Variants in NUP85 observed in about 807,000 individuals in gnomAD.
The protein encoded by NUP85 is nucleoporin 85, also known as nuclear pore complex protein Nup85.
In NUP85, 23 loss-of-function variants were observed where a neutral mutation model predicts 92.8. That is an observed-to-expected ratio of 0.25 (90% CI 0.18 to 0.35). NUP85 has a LOEUF of 0.35. Ranked by LOEUF, NUP85 falls within the 10% of genes least tolerant of loss-of-function variation. The pLI, the probability that NUP85 is intolerant of heterozygous loss-of-function variation, is 1.00. For synonymous variants in NUP85, 314 were observed against 306.9 expected (o/e 1.02, Z -0.24); for missense variants, 759 against 822.8 (o/e 0.92, Z 0.95).
rs2075292636 is a variant in NUP85, at chr17:75,212,241, GTTGTTGTTTTTTTTTTTTTT to G, written c.361+182_361+201del. Among the ~76,000 whole-genome samples the G allele has an allele frequency of 2.5e-3, 7 of 2,754 alleles. 1 individual carries two copies. The highest frequency in any genetic ancestry group is 0.014 in the South Asian group (1 of 74). 1.8% of individuals were successfully genotyped at this position (2,754 alleles called of 152,430 possible). ...TAATCATTTAGAGGTTTTTTTTTTT[GTTGTTGTTTTTTTTTTTTTT>G]TTTTTTTTTTTTTTTTTTTTTTTTT... On this transcript the variant is annotated intron_variant, in intron 4 of 18. Coordinates refer to ENST00000245544, the MANE Select transcript of NUP85 (RefSeq NM_024844.5).
In NUP85 at chr17:75,232,843, C is replaced by T; in HGVS notation, c.1397-8C>T. 6.2e-7 allele frequency: 1 copy of T among 1,613,140 alleles called. No homozygotes were observed. The highest frequency in any genetic ancestry group is 8.5e-7 in the Non-Finnish European group (1 of 1,179,142). Reference sequence around the variant, plus strand: ...AAAGCCGTTTACCTTTTCTTTTCCCCTGCAAAGTTCGCAGCATTTGTAAGA... The same window carrying T: ...AAAGCCGTTTACCTTTTCTTTTCCCTTGCAAAGTTCGCAGCATTTGTAAGA... On this transcript the variant is annotated splice_polypyrimidine_tract_variant and splice_region_variant and intron_variant, in intron 14 of 18. Coordinates refer to ENST00000245544, the MANE Select transcript of NUP85 (RefSeq NM_024844.5).
At chr17:75,226,732 G>C (rs1054217522) in intron 11 of NUP85, 1 of 449,816 alleles carries the variant, frequency 2.2e-6, no homozygotes, top group African/African-American at 2.0e-5. Context: ...ATACATAACT[G>C]TTTCCATTTC....
Position 75,231,885 on chromosome 17 carries a change from C to T in NUP85, c.1302C>T (p.Ser434=). 1 of 1,614,198 alleles carries T rather than the reference C, an allele frequency of 6.2e-7. No individual in the cohort carries two copies. The change falls in exon 14 of 19, where the codon TCC becomes TCT. Residue 434 remains serine, a synonymous_variant. Coordinates refer to ENST00000245544, the MANE Select transcript of NUP85 (RefSeq NM_024844.5). This position sits in a 1 kb window ranked among gnomAD's most constrained non-coding sequence, Gnocchi z 4.6. ...ACTGCCCCGAGCTGGGCCGAGTCTC[C>T]CTGGAGCTGCACATTGAGCGGATAC... ...FDYCPELGRV[S]LELHIERIPL... is the part of the protein sequence containing the mutation.
intron 3 of NUP85, among the ~76,000 whole-genome samples, chr17:75,211,525 C>G (rs2075260498): frequency 6.7e-6 from 1 of 148,172 alleles, no homozygotes. Flanking sequence ...CTGCCGGGTT[C>G]AAGAGATTCT....
chr17:75,219,290 G>A (rs540450916), intron 7 of NUP85, among the ~76,000 whole-genome samples: 6 of 152,280 alleles, frequency 3.9e-5, no homozygotes, highest in African/African-American at 7.2e-5. Flanking sequence ...TGTTGTTGTC[G>A]TTTAGAGACA....
rs548500320 is a variant in NUP85 at position 75,223,605 on chromosome 17, C to T, written c.598-1498C>T. ...GTTTCACCATGTTGACCAGGCTGGTCTTGAACTCCTGACCTCAGGTGATCC... is the reference window on the plus strand; with the variant it reads ...GTTTCACCATGTTGACCAGGCTGGTTTTGAACTCCTGACCTCAGGTGATCC... On this transcript the variant is annotated intron_variant, in intron 7 of 18. Coordinates refer to ENST00000245544, the MANE Select transcript of NUP85 (RefSeq NM_024844.5). Among the ~76,000 whole-genome samples, 3 of 152,186 alleles carry T rather than the reference C, an allele frequency of 2.0e-5. No individual in the cohort carries two copies. In the South Asian group the frequency reaches 6.2e-4, roughly 32 times the overall value.
Position 75,209,958 on chromosome 17 carries a change from A to G in NUP85, c.263A>G (p.Glu88Gly), listed in dbSNP as rs2075207392. Reference protein sequence around the residue: ...IFLGLQRIDEELTGKSRKSQL... With the variant: ...IFLGLQRIDEGLTGKSRKSQL... ...CTGGGCCTCCAGAGAATTGACGAAG[A>G]GTTGACTGGAAAATCCAGAAAATCT... The change falls in exon 3 of 19, where the codon GAG (glutamate) becomes GGG (glycine). Residue 88 changes from glutamate to glycine, a missense_variant. Physicochemically the swap from Glu to Gly is moderately conservative, Grantham distance 98. Transcript: ENST00000245544. 6.3e-7 allele frequency: 1 copy of G among 1,587,274 alleles called. No individual in the cohort carries two copies. Among genetic ancestry groups the G allele is most frequent in the South Asian group, 1.2e-5 (1 of 85,094 alleles).
At chr17:75,228,036 C>G (rs1327339988) in intron 11 of NUP85, 2 of 203,450 alleles carry the variant, frequency 9.8e-6, no homozygotes, top group African/African-American at 4.7e-5. Flanking sequence ...TAAAAACACA[C>G]AAACACACCA....
rs918234946 is a variant in NUP85 at position 75,231,999 on chromosome 17, A to G, written c.1396+20A>G. 12 of 1,613,520 alleles carry G rather than the reference A, an allele frequency of 7.4e-6. No homozygotes were observed. Among genetic ancestry groups the G allele is most frequent in the Non-Finnish European group, 1.0e-5 (12 of 1,179,884 alleles). On this transcript the variant is annotated intron_variant, in intron 14 of 18. Coordinates refer to ENST00000245544, the MANE Select transcript of NUP85 (RefSeq NM_024844.5). This position sits in a 1 kb window ranked among gnomAD's most constrained non-coding sequence, Gnocchi z 4.6. Reference sequence around the variant, plus strand: ...AACAAGGTGAGCTGGCCCTGCTCCCAGCCTACTGTCTGTGGGACGCAGGAG... The same window carrying G: ...AACAAGGTGAGCTGGCCCTGCTCCCGGCCTACTGTCTGTGGGACGCAGGAG...
Position 75,235,112 on chromosome 17 carries a change from G to T in NUP85, c.1780G>T (p.Ala594Ser). 1.9e-6 allele frequency: 3 copies of T among 1,613,888 alleles called. No individual in the cohort carries two copies. The highest frequency in any genetic ancestry group is 2.5e-6 in the Non-Finnish European group (3 of 1,179,828). ...LLEQKQVIFS[A>S]EQTYELMRCL... ...CTCTCTTCCCTAGGTGATTTTCTCA[G>T]CAGAACAGACTTATGAGTTGATGCG... The change falls in exon 18 of 19, where the codon GCA (alanine) becomes TCA (serine). Residue 594 changes from alanine to serine, a missense_variant. By Grantham distance (99) the Ala-to-Ser change is moderately conservative. Coordinates refer to ENST00000245544, the MANE Select transcript of NUP85 (RefSeq NM_024844.5).
chr17:75,220,807 A>G (rs1423919807), intron 7 of NUP85, among the ~76,000 whole-genome samples: 1 of 149,700 alleles, frequency 6.7e-6, no homozygotes, highest in African/African-American at 2.5e-5. Context: ...GGGTTTCATC[A>G]TGTTGGTCAG....
chr17:75,205,888 G>A (rs2075062911), intron 1 of NUP85, 94 bp downstream of exon 1: 1 of 1,426,220 alleles, frequency 7.0e-7, no homozygotes, highest in Non-Finnish European at 9.8e-7. Context: ...TAGTGGTCGC[G>A]AGGCGCTCGT....
intron 3 of NUP85, among the ~76,000 whole-genome samples, chr17:75,210,301 AAAATTAATAT>A (rs1185432247): frequency 1.3e-5 from 2 of 152,240 alleles, no homozygotes; most frequent in African/African-American, 4.8e-5. Context: ...GGGAGATTTG[AAAATTAATAT>A]AAACCTAACA....
intron 16 of NUP85, among the ~76,000 whole-genome samples, chr17:75,234,083 ACT>A (rs2076222765): frequency 7.7e-6 from 1 of 130,202 alleles, no homozygotes; most frequent in African/African-American, 2.9e-5. Context: ...ACGGAGTCTC[ACT>A]CTGTCGCCCA....
At chr17:75,212,247 GTTTTTTTTTTTTTTTTTT>G (rs1219393857) in intron 4 of NUP85, among the ~76,000 whole-genome samples, 185 bp downstream of exon 4, 1 of 3,672 alleles carries the variant, frequency 2.7e-4, no homozygotes, top group Admixed American at 4.5e-3. Flanking sequence ...TTTTGTTGTT[GTTTTTTTTTTTTTTTTTT>G]TTTTTTTTTT....
chr17:75,225,684 A>G lies in NUP85; in HGVS notation c.856-14A>G. ...GAGAGGAGGACAGAGTTCAGCACAA[A>G]TGTCTCTCCTCAGATTATGCTGGGA... On this transcript the variant is annotated splice_polypyrimidine_tract_variant and intron_variant, in intron 9 of 18. Transcript: ENST00000245544. 5 of 1,614,012 alleles carry G rather than the reference A, an allele frequency of 3.1e-6. No homozygotes were observed. The highest frequency in any genetic ancestry group is 4.2e-6 in the Non-Finnish European group (5 of 1,179,906).
rs1003340722 is a variant in NUP85 at position 75,228,855 on chromosome 17, G to A, written c.1095-2485G>A. ...AAGGCAGCCAGGGGATCCTGACTCAGAGGCTGTAGTTCGTCAGCCCTGCTA... is the reference window on the plus strand; with the variant it reads ...AAGGCAGCCAGGGGATCCTGACTCAAAGGCTGTAGTTCGTCAGCCCTGCTA... On this transcript the variant is annotated intron_variant, in intron 11 of 18. Transcript: ENST00000245544. 74 of 985,350 alleles carry A rather than the reference G, an allele frequency of 7.5e-5. No individual in the cohort carries two copies. The African/African-American group carries it at 1.2e-3, about 16-fold the overall frequency. 61.0% of individuals were successfully genotyped at this position (985,350 alleles called of 1,614,324 possible).
At chr17:75,234,052 CTTTTT>C (rs10716628) in intron 16 of NUP85, among the ~76,000 whole-genome samples, 4 of 118,068 alleles carry the variant, frequency 3.4e-5, no homozygotes, top group Non-Finnish European at 3.5e-5. Flanking sequence ...CATGTTTCTT[CTTTTT>C]TTTTTTTTTT....
intron 6 of NUP85, among the ~76,000 whole-genome samples, chr17:75,216,542 G>T (rs2075438673): frequency 6.6e-6 from 1 of 152,198 alleles, no homozygotes; most frequent in Admixed American, 6.5e-5. Context: ...AGGGATTCCA[G>T]GTGTGAGCCA....
Sources: allele counts gnomAD v4.1 joint callset (sites outside exome capture counted in the v4.1 genomes callset), GRCh38; gene constraint gnomAD v4.1.1; non-coding constraint Gnocchi (gnomAD v3.1); transcripts MANE v1.5; gene names NCBI Gene and HGNC (gene_info 2026-07-23, HGNC 2026-07-21).